Variants in MYOM1 observed in about 807,000 individuals in gnomAD.
The protein encoded by MYOM1 is myomesin-1.
Under a neutral mutation model 205.3 loss-of-function variants are expected in MYOM1, and 164 were observed. That is an observed-to-expected ratio of 0.80 (90% CI 0.70 to 0.91). The LOEUF is 0.91. Ranked by LOEUF, MYOM1 falls within the 40% of genes least tolerant of loss-of-function variation. The pLI is 0.00. For synonymous variants in MYOM1, 772 were observed against 789.4 expected (o/e 0.98, Z 0.37); for missense variants, 2,011 against 2,127.3 (o/e 0.95, Z 1.08).
At position 3,163,026 on chromosome 18, in the gene MYOM1, C is replaced by A. The variant is rs2080416886; in HGVS notation, c.1501+1252G>T. Among the ~76,000 whole-genome samples, 9 of 55,614 alleles carry A rather than the reference C, an allele frequency of 1.6e-4. 1 individual carries two copies. In the South Asian group the frequency reaches 4.3e-3, roughly 26 times the overall value. 36.5% of individuals were successfully genotyped at this position (55,614 alleles called of 152,430 possible). A position where few individuals can be genotyped will look rare whatever the true frequency, so the allele number is the denominator to read the frequency against. On this transcript the variant is annotated intron_variant, in intron 10 of 37. Transcript: ENST00000356443. ...AGCCTGGGTGACTGAGACTCCCACT[C>A]AAAAAAACAAAAAAAAACAAAAAAC...
chr18:3,131,326 CAT>C, intron 17 of MYOM1, 47 bp downstream of exon 17: 1 of 1,602,296 alleles, frequency 6.2e-7, no homozygotes, highest in Non-Finnish European at 8.5e-7. Flanking sequence ...TCCTTTCTAA[CAT>C]AGAAAAATCC....
At chr18:3,088,076 G>C (rs2079176413) in intron 29 of MYOM1, among the ~76,000 whole-genome samples, 1 of 152,180 alleles carries the variant, frequency 6.6e-6, no homozygotes, top group Non-Finnish European at 1.5e-5. Context: ...CAGCATAACA[G>C]AACTGTGTGA....
intron 16 of MYOM1, among the ~76,000 whole-genome samples, chr18:3,132,049 AATAATAATATATACATAT>A (rs1489730574): frequency 6.8e-6 from 1 of 146,884 alleles, no homozygotes; most frequent in Non-Finnish European, 1.5e-5. Context: ...ATGTATATAT[AATAATAATATATACATAT>A]ATAATAATAT....
At chr18:3,229,868 A>T in the MYOM1 span, among the ~76,000 whole-genome samples, 8 of 149,390 alleles carry the variant, frequency 5.4e-5, no homozygotes, top group Non-Finnish European at 7.4e-5. Context: ...ACTCAGGAGG[A>T]TGAAGCAGGA....
In MYOM1 at chr18:3,168,842, C is replaced by A; in HGVS notation, c.1314G>T (p.Gln438His). Residue 438 changes from glutamine (Q) to histidine (H), a missense_variant, in exon 9 of 38, where the codon CAG becomes CAT. By Grantham distance (24) the Gln-to-His change is conservative. Coordinates refer to ENST00000356443, the MANE Select transcript of MYOM1 (RefSeq NM_003803.4). ...CGTTTCTGTACCACTGGATCTCTGG[C>A]TGGAAATGTTTAATTTCAGGAGTGA... is the stretch of plus-strand genomic sequence containing the variant. ...VVITPEIKHFQPEIQWYRNGV... is the reference protein window; with the variant it reads ...VVITPEIKHFHPEIQWYRNGV... 1 of 1,613,894 alleles carries A rather than the reference C, an allele frequency of 6.2e-7. No individual in the cohort carries two copies. The highest frequency in any genetic ancestry group is 8.5e-7 in the Non-Finnish European group (1 of 1,179,854).
At chr18:3,080,884 A>G (rs1339168947) in intron 33 of MYOM1, among the ~76,000 whole-genome samples, 1 of 152,204 alleles carries the variant, frequency 6.6e-6, no homozygotes. Flanking sequence ...CTGTAATCCC[A>G]GTACTTTGGG....
At chr18:3,168,568 C>T (rs1257242288) in intron 9 of MYOM1, among the ~76,000 whole-genome samples, 1 of 152,224 alleles carries the variant, frequency 6.6e-6, no homozygotes, top group Admixed American at 6.5e-5. Context: ...AGATTACAGG[C>T]ATGAGCCACC....
intron 29 of MYOM1, among the ~76,000 whole-genome samples, chr18:3,087,003 A>G (rs985255987): frequency 6.6e-6 from 1 of 152,246 alleles, no homozygotes; most frequent in Non-Finnish European, 1.5e-5. Context: ...AAACAATTTC[A>G]GCTAATAAAT....
chr18:3,231,324 T>A, the MYOM1 span, among the ~76,000 whole-genome samples: 2 of 152,194 alleles, frequency 1.3e-5, no homozygotes, highest in African/African-American at 2.4e-5. Context: ...AGCCACAGCA[T>A]GCTGAAATTA....
In MYOM1 at chr18:3,089,254, A is replaced by T. The variant is rs367929666; in HGVS notation, c.4070-13T>A. ...ACAAAGTGAGGACCTATAAAATTTT[A>T]ATGACATTAGCAATTACTCTATTAA... On this transcript the variant is annotated splice_polypyrimidine_tract_variant and intron_variant, in intron 28 of 37. Transcript: ENST00000356443. 2.5e-6 allele frequency: 4 copies of T among 1,601,954 alleles called. No individual in the cohort carries two copies. Among genetic ancestry groups the T allele is most frequent in the African/African-American group, 2.7e-5 (2 of 74,688 alleles).
chr18:3,113,315 T>A (rs80158269), intron 21 of MYOM1, among the ~76,000 whole-genome samples: 3 of 146,480 alleles, frequency 2.0e-5, no homozygotes, highest in Non-Finnish European at 4.4e-5. Flanking sequence ...TATATATATA[T>A]ATATATATAT....
At chr18:3,186,839 GAAAA>G (rs1298907530) in intron 5 of MYOM1, among the ~76,000 whole-genome samples, 11 of 124,764 alleles carry the variant, frequency 8.8e-5, no homozygotes, top group African/African-American at 3.3e-4. Context: ...AGAAAGAAGA[GAAAA>G]GAAAGAAAGG....
chr18:3,082,986 T>C (rs1329561212), intron 33 of MYOM1, among the ~76,000 whole-genome samples: 1 of 152,198 alleles, frequency 6.6e-6, no homozygotes, highest in African/African-American at 2.4e-5. Flanking sequence ...CATTCATTCA[T>C]ATCATGGGAA....
At chr18:3,075,893 G>A in intron 34 of MYOM1, 132 bp from the exon 35 acceptor site, 1 of 765,480 alleles carries the variant, frequency 1.3e-6, no homozygotes, top group Non-Finnish European at 2.2e-6. Flanking sequence ...TTAAGACTGT[G>A]CTTATGTGTT....
intron 19 of MYOM1, 101 bp downstream of exon 19, chr18:3,126,600 G>T: frequency 9.8e-7 from 1 of 1,015,756 alleles, no homozygotes; most frequent in Non-Finnish European, 1.4e-6. Context: ...CTGGAGAAAT[G>T]ACGTGACTCT....
At chr18:3,226,237 C>G in the MYOM1 span, among the ~76,000 whole-genome samples, 2 of 152,152 alleles carry the variant, frequency 1.3e-5, no homozygotes, top group African/African-American at 4.8e-5. This position sits in a 1 kb window ranked among gnomAD's most constrained non-coding sequence, Gnocchi z 4.6. Flanking sequence ...TGCAGTAAGC[C>G]AGGCACTGGG....
chr18:3,140,399 T>C (rs1484245757), intron 14 of MYOM1, among the ~76,000 whole-genome samples: 1 of 147,912 alleles, frequency 6.8e-6, no homozygotes, highest in Non-Finnish European at 1.5e-5. Flanking sequence ...AGAGTGAGGC[T>C]GTCTCAAAAA....
intron 12 of MYOM1, among the ~76,000 whole-genome samples, chr18:3,149,490 A>G (rs2080185886): frequency 6.6e-6 from 1 of 152,164 alleles, no homozygotes; most frequent in East Asian, 1.9e-4. Context: ...GTGTTCATGT[A>G]ACTGTTCAAT....
chr18:3,173,773 A>C (rs2080594195), intron 8 of MYOM1, among the ~76,000 whole-genome samples, 165 bp downstream of exon 8: 1 of 152,200 alleles, frequency 6.6e-6, no homozygotes, highest in South Asian at 2.1e-4. Context: ...AGTAACCAAA[A>C]AATCTAAAAA....
Sources: allele counts gnomAD v4.1 joint callset (sites outside exome capture counted in the v4.1 genomes callset), GRCh38; gene constraint gnomAD v4.1.1; non-coding constraint Gnocchi (gnomAD v3.1); transcripts MANE v1.5; gene names NCBI Gene and HGNC (gene_info 2026-07-23, HGNC 2026-07-21).